APBA2: variants seen among roughly 807,000 people sequenced by gnomAD.
APBA2 encodes amyloid beta precursor protein binding family A member 2, also known as amyloid-beta A4 precursor protein-binding family A member 2.
APBA2 carries 30 observed loss-of-function variants against 75.0 expected under a neutral mutation model. The ratio of observed to expected loss-of-function variants is 0.40; its 90% CI spans 0.30 to 0.54. APBA2 has a LOEUF of 0.54. Among genes scored for constraint, APBA2 ranks in the 20% least tolerant of loss-of-function variants. The pLI, the probability that APBA2 is intolerant of heterozygous loss-of-function variation, is 0.49. For synonymous variants in APBA2, 444 were observed against 409.6 expected (o/e 1.08, Z -1.01); for missense variants, 801 against 1,016.1 (o/e 0.79, Z 2.88).
At chr15:28,984,853 ATCTCTCTCTCTC>A (rs66710666) in intron 2 of APBA2, among the ~76,000 whole-genome samples, 2 of 74,008 alleles carry the variant, frequency 2.7e-5, no homozygotes, top group Non-Finnish European at 7.1e-5. Flanking sequence ...GAGCTGCTCT[ATCTCTCTCTCTC>A]TCTCTCTCTC....
chr15:28,974,539 CA>C lies in APBA2; in HGVS notation c.-94-21211del, dbSNP rs1456895349. ...AGGAAAGTTGACATATATTAGCTTACAAAGACAACCTCAATGAGTTCCGTAA... is the reference window on the plus strand; with the variant it reads ...AGGAAAGTTGACATATATTAGCTTACAAGACAACCTCAATGAGTTCCGTAA... On this transcript the variant is annotated intron_variant, in intron 2 of 14. Coordinates refer to ENST00000683413, the MANE Select transcript of APBA2 (RefSeq NM_001353788.2). 9.9e-5 allele frequency among the ~76,000 whole-genome samples: 15 copies of C among 152,132 alleles called. 1 individual carries two copies. The highest frequency in any genetic ancestry group is 6.6e-4 in the Admixed American group (10 of 15,264).
At chr15:29,011,346 ATTAG>A (rs1265552847) in intron 3 of APBA2, among the ~76,000 whole-genome samples, 2 of 152,164 alleles carry the variant, frequency 1.3e-5, no homozygotes, top group Non-Finnish European at 2.9e-5. Context: ...TTTATTATTA[ATTAG>A]TTCAAAATCT....
intron 6 of APBA2, among the ~76,000 whole-genome samples, chr15:29,079,769 A>T (rs781667487): frequency 9.2e-5 from 14 of 152,178 alleles, no homozygotes; most frequent in Non-Finnish European, 1.8e-4. Context: ...AGTATTCATG[A>T]GTATTTGGTC....
chr15:29,038,925 G>A (rs932160725), intron 3 of APBA2, among the ~76,000 whole-genome samples: 1 of 151,970 alleles, frequency 6.6e-6, no homozygotes, highest in Non-Finnish European at 1.5e-5. Context: ...GCCCGCCTTG[G>A]CCTCCCAAAG....
At chr15:29,016,689 G>A (rs2152822910) in intron 3 of APBA2, among the ~76,000 whole-genome samples, 1 of 152,298 alleles carries the variant, frequency 6.6e-6, no homozygotes, top group Admixed American at 6.5e-5. Flanking sequence ...GCCTGGCGGG[G>A]AAAGAGAAAT....
chr15:28,888,532 C>G (rs1258161074), intron 1 of APBA2, among the ~76,000 whole-genome samples: 1 of 152,168 alleles, frequency 6.6e-6, no homozygotes, highest in South Asian at 2.1e-4. Flanking sequence ...CATACCTGCC[C>G]CGGTGACTCA....
intron 1 of APBA2, among the ~76,000 whole-genome samples, chr15:28,900,021 C>T (rs373322751): frequency 6.6e-6 from 1 of 151,924 alleles, no homozygotes; most frequent in Non-Finnish European, 1.5e-5. Context: ...AGGTGAGGGA[C>T]CCCTGGGGGA....
intron 2 of APBA2, among the ~76,000 whole-genome samples, chr15:28,992,155 T>C (rs1418214488): frequency 3.9e-5 from 6 of 152,070 alleles, no homozygotes; most frequent in Admixed American, 3.9e-4. Flanking sequence ...GAGGGGACGC[T>C]CACATGAGCT....
At chr15:28,980,932 T>G (rs1188687327) in intron 2 of APBA2, among the ~76,000 whole-genome samples, 1 of 152,162 alleles carries the variant, frequency 6.6e-6, no homozygotes, top group Non-Finnish European at 1.5e-5. Flanking sequence ...AAATAAGCCA[T>G]GGGGAGAGGA....
intron 2 of APBA2, among the ~76,000 whole-genome samples, chr15:28,978,640 G>C (rs1326797645): frequency 6.6e-6 from 1 of 152,204 alleles, no homozygotes. Flanking sequence ...TGGCTTCTGA[G>C]CTGCAATAGA....
intron 3 of APBA2, among the ~76,000 whole-genome samples, chr15:29,041,602 A>G (rs2041050701): frequency 6.6e-6 from 1 of 152,112 alleles, no homozygotes; most frequent in Admixed American, 6.6e-5. Context: ...CTGGAGACTA[A>G]AGAATACTGA....
intron 1 of APBA2, among the ~76,000 whole-genome samples, chr15:28,895,963 G>A (rs541659614): frequency 6.6e-6 from 1 of 152,208 alleles, no homozygotes; most frequent in East Asian, 1.9e-4. Flanking sequence ...AAATAGAAAA[G>A]TTAGTCGGAT....
chr15:28,945,735 A>G (rs564606503), intron 2 of APBA2, among the ~76,000 whole-genome samples: 1 of 152,120 alleles, frequency 6.6e-6, no homozygotes, highest in South Asian at 2.1e-4. Flanking sequence ...CCAGGCTGGT[A>G]ACTCCTGACC....
At chr15:28,920,146 G>C (rs1192803794) in intron 1 of APBA2, among the ~76,000 whole-genome samples, 1 of 152,224 alleles carries the variant, frequency 6.6e-6, no homozygotes, top group Non-Finnish European at 1.5e-5. Flanking sequence ...ACGAATGATT[G>C]TGAGGACTGC....
intron 2 of APBA2, among the ~76,000 whole-genome samples, chr15:28,994,881 G>C (rs1164604803): frequency 6.6e-6 from 1 of 152,180 alleles, no homozygotes; most frequent in Non-Finnish European, 1.5e-5. Flanking sequence ...GCAGCCATTC[G>C]TGAAGGGCTC....
At chr15:29,013,212 A>G (rs1349327327) in intron 3 of APBA2, among the ~76,000 whole-genome samples, 1 of 150,366 alleles carries the variant, frequency 6.7e-6, no homozygotes, top group Non-Finnish European at 1.5e-5. Flanking sequence ...GATGCTTTGC[A>G]CCCATACAGC....
At chr15:29,104,118 C>G (rs1565401) in intron 10 of APBA2, among the ~76,000 whole-genome samples, 97,797 of 152,258 alleles carry the variant, frequency 0.64, 37,825 homozygotes, top group Non-Finnish European at 0.85. Flanking sequence ...TGCATACATT[C>G]ATCTGCTGCT....
intron 14 of APBA2, among the ~76,000 whole-genome samples, chr15:29,116,437 T>C (rs926679329): frequency 2.6e-5 from 4 of 151,950 alleles, no homozygotes; most frequent in African/African-American, 9.7e-5. Context: ...CCATCCTGGC[T>C]AACACGGTGA....
chr15:29,042,616 C>T (rs1240858441), intron 3 of APBA2, among the ~76,000 whole-genome samples: 1 of 152,160 alleles, frequency 6.6e-6, no homozygotes, highest in East Asian at 1.9e-4. Flanking sequence ...AGAACTTAAA[C>T]ATATGAATTT....
Sources: allele counts gnomAD v4.1 joint callset (sites outside exome capture counted in the v4.1 genomes callset), GRCh38; gene constraint gnomAD v4.1.1; transcripts MANE v1.5; gene names NCBI Gene and HGNC (gene_info 2026-07-23, HGNC 2026-07-21).